Variants in ACSL6 observed in about 807,000 individuals in gnomAD.
The protein encoded by ACSL6 is acyl-CoA synthetase long chain family member 6.
ACSL6 carries 47 observed loss-of-function variants against 98.2 expected under a neutral mutation model. That is an observed-to-expected ratio of 0.48 (90% CI 0.38 to 0.61). ACSL6 has a LOEUF of 0.61. Ranked by LOEUF, ACSL6 falls within the 20% of genes least tolerant of loss-of-function variation. The probability of loss-of-function intolerance (pLI) is 0.00; values close to 1 mark genes in which losing one functional copy is unlikely to be tolerated. For synonymous variants in ACSL6, 362 were observed against 336.9 expected, an observed-to-expected ratio of 1.07 and a Z score of -0.82; for missense variants, 761 against 913.4, an observed-to-expected ratio of 0.83 and a Z score of 2.15.
At chr5:131,990,344 G>A (rs1321367693) in intron 3 of ACSL6, among the ~76,000 whole-genome samples, 180 bp from the exon 4 acceptor site, 3 of 152,210 alleles carry the variant, frequency 2.0e-5, no homozygotes, top group African/African-American at 7.2e-5. Flanking sequence ...AGGGCCTAAA[G>A]CACATAAGTA....
intron 1 of ACSL6, among the ~76,000 whole-genome samples, chr5:132,009,696 C>T (rs937688267): frequency 6.6e-6 from 1 of 152,148 alleles, no homozygotes; most frequent in African/African-American, 2.4e-5. Flanking sequence ...GGCAGATTCC[C>T]CAGTTTCCCA....
chr5:131,988,856 G>C lies in ACSL6; in HGVS notation c.601C>G (p.Pro201Ala). 2 of 1,613,822 alleles carry C rather than the reference G, an allele frequency of 1.2e-6. No individual in the cohort carries two copies. Among genetic ancestry groups the C allele is most frequent in the Non-Finnish European group, 1.7e-6 (2 of 1,179,960 alleles). The change falls in exon 6 of 21, where the codon CCG becomes GCG. Residue 201 changes from proline (P) to alanine (A), a missense_variant. Transcript: ENST00000651883. ...ACYTYSMVVV[P>A]LYDTLGPGAI... ...CCAGGGCCCAGGGTGTCATAGAGCG[G>C]GACCACCACCATGGAATATGTGTAG... is the stretch of plus-strand genomic sequence containing the variant.
intron 2 of ACSL6, 37 bp from the exon 3 acceptor site, chr5:131,991,004 G>C (rs1388080977): frequency 6.3e-7 from 1 of 1,592,402 alleles, no homozygotes; most frequent in East Asian, 2.2e-5. Context: ...GTTGGCTGAG[G>C]CAGGTAGGGG....
In ACSL6 at chr5:131,952,960, G is replaced by C. The variant is rs1468041117; in HGVS notation, c.*1274C>G. On this transcript the variant is annotated 3_prime_UTR_variant, in exon 21 of 21. Transcript: ENST00000651883. ...TTGATATTCTTACTGGAAAAAAAGT[G>C]AAATTGTTCAGAATTACAACCATAT... 2 of 211,032 alleles carry C rather than the reference G, an allele frequency of 9.5e-6. No individual in the cohort carries two copies. The highest frequency in any genetic ancestry group is 1.9e-5 in the Non-Finnish European group (2 of 104,192). The allele number at this position is 211,032 out of a possible 1,614,324, so 13.1% of individuals were successfully genotyped here.
At chr5:131,973,742 T>A (rs557057482) in intron 11 of ACSL6, 1 of 207,214 alleles carries the variant, frequency 4.8e-6, no homozygotes, top group Non-Finnish European at 9.8e-6. Flanking sequence ...CTTTGAGATG[T>A]ACTACAGCCT....
Position 131,973,569 on chromosome 5 carries a change from C to T in ACSL6, c.1069-169G>A, listed in dbSNP as rs534894391. ...AATGCCATCTGAGGTGACCCCCACC[C>T]CCTCACCTTCCAACCAAGTCCCACT... On this transcript the variant is annotated intron_variant, in intron 11 of 20. Coordinates refer to ENST00000651883, the MANE Select transcript of ACSL6 (RefSeq NM_001009185.3). 4.2e-4 allele frequency: 232 copies of T among 558,194 alleles called. 2 individuals are homozygous for T. In the South Asian group the frequency reaches 6.8e-3, roughly 16 times the overall value. The allele number at this position is 558,194 out of a possible 1,614,324, so 34.6% of individuals were successfully genotyped here.
intron 1 of ACSL6, among the ~76,000 whole-genome samples, chr5:132,003,255 G>A (rs1755191153): frequency 1.3e-5 from 2 of 152,190 alleles, no homozygotes; most frequent in African/African-American, 2.4e-5. Context: ...GCTGGTCAAC[G>A]GGAATCTGCC....
chr5:132,007,845 GCCCATTTT>G (rs376285506), intron 1 of ACSL6, among the ~76,000 whole-genome samples: 221 of 152,254 alleles, frequency 1.5e-3, no homozygotes, highest in African/African-American at 5.1e-3. Context: ...TGTAACTTTT[GCCCATTTT>G]TATAAACAAG....
In ACSL6 at chr5:131,952,029, G is replaced by T. The variant is rs1264476913; in HGVS notation, c.*2205C>A. On this transcript the variant is annotated 3_prime_UTR_variant, in exon 21 of 21. Coordinates refer to ENST00000651883, the MANE Select transcript of ACSL6 (RefSeq NM_001009185.3). ...GGCTTAAAGCCAACTATGAATTTTA[G>T]TTGAGTAGGAGGACAATGGGAAACA... The T allele has an allele frequency of 5.6e-6, 1 of 178,938 alleles. No individual in the cohort carries two copies. The highest frequency in any genetic ancestry group is 2.4e-5 in the African/African-American group (1 of 42,328). The allele number at this position is 178,938 out of a possible 1,614,324, so 11.1% of individuals were successfully genotyped here.
chr5:131,994,135 C>G lies in ACSL6; in HGVS notation c.166G>C (p.Val56Leu). ...FFRSLSATTL[V>L]SMGALAAILA... Reference sequence around the variant, plus strand: ...ATGGCAGCCAGGGCACCCATACTCACGAGGGTGGTGGCCGAGAGGCTGCGG... The same window carrying G: ...ATGGCAGCCAGGGCACCCATACTCAGGAGGGTGGTGGCCGAGAGGCTGCGG... The change falls in exon 2 of 21, where the codon GTG becomes CTG. Residue 56 changes from valine (V) to leucine (L), a missense_variant. Transcript: ENST00000651883. 1.2e-6 allele frequency: 2 copies of G among 1,614,214 alleles called. No individual in the cohort carries two copies. The highest frequency in any genetic ancestry group is 1.7e-6 in the Non-Finnish European group (2 of 1,180,044).
Position 132,011,403 on chromosome 5 carries a change from G to A in ACSL6, c.49+102C>T. The A allele has an allele frequency of 7.9e-7, 1 of 1,270,784 alleles. No individual in the cohort carries two copies. The highest frequency in any genetic ancestry group is 1.1e-6 in the Non-Finnish European group (1 of 880,810). 78.7% of individuals were successfully genotyped at this position (1,270,784 alleles called of 1,614,324 possible). Reference sequence around the variant, plus strand: ...ACGGGACAGCTCAGCAGCAGGGGATGGGGGCTCGGCGGCCGCGGAGATGTA... The same window carrying A: ...ACGGGACAGCTCAGCAGCAGGGGATAGGGGCTCGGCGGCCGCGGAGATGTA... On this transcript the variant is annotated intron_variant, in intron 1 of 20. Transcript: ENST00000651883. This position sits in a 1 kb window ranked among gnomAD's most constrained non-coding sequence, Gnocchi z 5.4.
intron 1 of ACSL6, among the ~76,000 whole-genome samples, chr5:132,002,647 G>C (rs1446413370): frequency 1.3e-5 from 2 of 152,196 alleles, no homozygotes; most frequent in African/African-American, 4.8e-5. Flanking sequence ...AGCCAGGGAG[G>C]GAGAACAAGG....
chr5:131,994,058 G>A lies in ACSL6; in HGVS notation c.243C>T (p.Asn81=). 6.2e-7 allele frequency: 1 copy of A among 1,614,034 alleles called. No homozygotes were observed. Among genetic ancestry groups the A allele is most frequent in the South Asian group, 1.1e-5 (1 of 91,078 alleles). ...HRPKALQPPC[N]LLMQSEEVED... ...CTACTTCTTCTGACTGCATCAGGAG[G>A]TTGCATGGCGGCTGCAAGGCCTTTG... Residue 81 remains asparagine, a synonymous_variant, in exon 2 of 21, where the codon AAC becomes AAT. Transcript: ENST00000651883.
At chr5:131,986,943 ACG>A in intron 7 of ACSL6, 89 bp from the exon 8 acceptor site, 8 of 1,325,776 alleles carry the variant, frequency 6.0e-6, no homozygotes, top group African/African-American at 2.9e-5. Flanking sequence ...TCTCTCACAC[ACG>A]CACATACACA....
At chr5:131,981,155 G>T (rs961144186) in intron 9 of ACSL6, among the ~76,000 whole-genome samples, 1 of 151,612 alleles carries the variant, frequency 6.6e-6, no homozygotes, top group South Asian at 2.1e-4. Context: ...AAAGCTTCGG[G>T]GGCTTTGGTG....
Position 132,009,498 on chromosome 5 carries a change from G to T in ACSL6, c.49+2007C>A, listed in dbSNP as rs1755595289. Among the ~76,000 whole-genome samples the T allele has an allele frequency of 2.0e-5, 3 of 152,324 alleles. No homozygotes were observed. The South Asian group carries it at 6.2e-4, about 32-fold the overall frequency. ...GCTGGGGGCCAGGTGGAGTCTCAAGGAGGGTGGATACATAACTTAAAATGC... is the reference window on the plus strand; with the variant it reads ...GCTGGGGGCCAGGTGGAGTCTCAAGTAGGGTGGATACATAACTTAAAATGC... On this transcript the variant is annotated intron_variant, in intron 1 of 20. Transcript: ENST00000651883.
At chr5:131,977,591 A>ATT (rs1753686225) in intron 9 of ACSL6, among the ~76,000 whole-genome samples, 1 of 152,196 alleles carries the variant, frequency 6.6e-6, no homozygotes, top group Non-Finnish European at 1.5e-5. Context: ...GGCTTCTATA[A>ATT]GATCTAAAGA....
At chr5:131,987,054 CAG>C (rs1431554665) in intron 7 of ACSL6, among the ~76,000 whole-genome samples, 200 bp from the exon 8 acceptor site, 4 of 152,222 alleles carry the variant, frequency 2.6e-5, no homozygotes, top group African/African-American at 9.6e-5. Flanking sequence ...GCACCAATCC[CAG>C]AGTTTAAGAT....
intron 1 of ACSL6, among the ~76,000 whole-genome samples, chr5:132,009,317 G>A (rs1488426925): frequency 6.6e-6 from 1 of 152,240 alleles, no homozygotes; most frequent in Non-Finnish European, 1.5e-5. Flanking sequence ...CTCTACTAAA[G>A]AGAGACATTG....
Sources: gnomAD v4.1 joint callset for allele counts (sites outside exome capture counted in the v4.1 genomes callset) on GRCh38, gnomAD v4.1.1 for gene constraint, Gnocchi (gnomAD v3.1) non-coding constraint, MANE v1.5 for transcripts, NCBI Gene and HGNC (gene_info 2026-07-23, HGNC 2026-07-21) for gene names.